The following VPS4A variants were observed in gnomAD, a reference collection of about 807,000 sequenced individuals.
VPS4A encodes vacuolar protein sorting 4 homolog A, also known as vacuolar protein sorting-associated protein 4A.
Under a neutral mutation model 52.3 loss-of-function variants are expected in VPS4A, and 20 were observed. That is an observed-to-expected ratio of 0.38 (90% CI 0.27 to 0.56). The LOEUF is 0.56. Among genes scored for constraint, VPS4A ranks in the 20% least tolerant of loss-of-function variants. VPS4A has a pLI of 0.72. For synonymous variants in VPS4A, 293 were observed against 227.7 expected (o/e 1.29, Z -2.58); for missense variants, 419 against 575.9 (o/e 0.73, Z 2.79).
intron 3 of VPS4A, 25 bp from the exon 4 acceptor site, chr16:69,318,625 T>C (rs1230190096): frequency 6.3e-7 from 1 of 1,593,224 alleles, no homozygotes; most frequent in Admixed American, 1.8e-5. Flanking sequence ...AGGGCCAGCT[T>C]GTGACTTTCC....
chr16:69,320,585 G>T lies in VPS4A; in HGVS notation c.770-103G>T. On this transcript the variant is annotated intron_variant, in intron 7 of 10. Transcript: ENST00000254950. The surrounding 1 kb of genome is among the most constrained non-coding windows in gnomAD (Gnocchi z 4.2). ...TGCCAGTGGTGGGTGGCACAGGGAT[G>T]GCTTCAATTGCTGACACACAAAGCC... 1 of 1,017,258 alleles carries T rather than the reference G, an allele frequency of 9.8e-7. No homozygotes were observed. The highest frequency in any genetic ancestry group is 1.5e-6 in the Non-Finnish European group (1 of 685,480). 63.0% of individuals were successfully genotyped at this position (1,017,258 alleles called of 1,614,324 possible).
At position 69,316,287 on chromosome 16, in the gene VPS4A, C is replaced by A; in HGVS notation, c.196C>A (p.Arg66=). The A allele has an allele frequency of 1.9e-6, 3 of 1,613,782 alleles. No homozygotes were observed. The highest frequency in any genetic ancestry group is 2.5e-6 in the Non-Finnish European group (3 of 1,179,860). ...IRAKCVQYLD[R]AEKLKDYLRS... ...AGCCAAGTGCGTGCAGTACCTAGAC[C>A]GGGCCGAGAAGCTGAAGGATTATTT... Residue 66 remains arginine (R), a synonymous_variant, in exon 3 of 11, where the codon CGG becomes AGG. Coordinates refer to ENST00000254950, the MANE Select transcript of VPS4A (RefSeq NM_013245.3).
chr16:69,323,945 A>C (rs1406797521), intron 10 of VPS4A, among the ~76,000 whole-genome samples: 3 of 113,378 alleles, frequency 2.6e-5, no homozygotes, highest in Admixed American at 2.6e-4. Context: ...CTCCGTCTCC[A>C]AAAAAAAAAA....
Position 69,316,131 on chromosome 16 carries a change from G to C in VPS4A, c.133+12G>C. The C allele has an allele frequency of 6.2e-7, 1 of 1,613,180 alleles. No individual in the cohort carries two copies. Among genetic ancestry groups the C allele is most frequent in the Non-Finnish European group, 8.5e-7 (1 of 1,179,776 alleles). ...CCACGCTATCAAGTGTGAGTCACAC[G>C]AGGGGTCCTCAGGCTGCCGCACTCC... On this transcript the variant is annotated intron_variant, in intron 2 of 10. Coordinates refer to ENST00000254950, the MANE Select transcript of VPS4A (RefSeq NM_013245.3).
At chr16:69,318,755 G>A (rs374846462) in intron 4 of VPS4A, 44 bp downstream of exon 4, 7 of 1,613,122 alleles carry the variant, frequency 4.3e-6, no homozygotes, top group Middle Eastern at 3.3e-4. Flanking sequence ...GGATGAGAGT[G>A]GGTCCGCTGC....
chr16:69,316,234 A>G lies in VPS4A; in HGVS notation c.143A>G (p.His48Arg), dbSNP rs1343361238. 1.9e-6 allele frequency: 3 copies of G among 1,613,582 alleles called. No individual in the cohort carries two copies. Among genetic ancestry groups the G allele is most frequent in the Non-Finnish European group, 1.7e-6 (2 of 1,179,872 alleles). ...GTGTTCCCTTTCACAGATGAGGCCCACAGCGACAAGGCCAAGGAGAGCATT... is the reference window on the plus strand; with the variant it reads ...GTGTTCCCTTTCACAGATGAGGCCCGCAGCGACAAGGCCAAGGAGAGCATT... ...YFLHAIKYEA[H>R]SDKAKESIRA... Residue 48 changes from histidine (H) to arginine (R), a missense_variant, in exon 3 of 11, where the codon CAC (histidine) becomes CGC (arginine). By Grantham distance (29) the His-to-Arg change is conservative. Transcript: ENST00000254950.
chr16:69,324,083 C>G (rs1725985281), intron 10 of VPS4A, 125 bp from the exon 11 acceptor site: 1 of 843,026 alleles, frequency 1.2e-6, no homozygotes, highest in African/African-American at 1.7e-5. Flanking sequence ...CAGATTCAAG[C>G]AGGCCTCTGG....
At position 69,316,043 on chromosome 16, in the gene VPS4A, G is replaced by C. The variant is rs767515591; in HGVS notation, c.57G>C (p.Glu19Asp). Residue 19 changes from glutamate to aspartate, a missense_variant, in exon 2 of 11, where the codon GAG (glutamate) becomes GAC (aspartate). This residue lies in a region of VPS4A where 131 missense variants were observed against 165.4 expected (regional missense o/e 0.79). Transcript: ENST00000254950. ...AIDLVTKATE[E>D]DKAKNYEEAL... is the part of the protein sequence containing the mutation. ...ATCTGGTGACGAAAGCCACAGAGGAGGACAAAGCCAAGAACTACGAGGAGG... is the reference window on the plus strand; with the variant it reads ...ATCTGGTGACGAAAGCCACAGAGGACGACAAAGCCAAGAACTACGAGGAGG... 1 of 1,613,626 alleles carries C rather than the reference G, an allele frequency of 6.2e-7. No individual in the cohort carries two copies. The highest frequency in any genetic ancestry group is 1.1e-5 in the South Asian group (1 of 91,090).
rs1567424466 is a variant in VPS4A at position 69,321,370 on chromosome 16, G to A, written c.1071+100G>A. ...CTGGTCCTGCTCCCCGGCTGCTCAG[G>A]TGACACAGTCTCTGAGGCCTCCTGG... On this transcript the variant is annotated intron_variant, in intron 9 of 10. Coordinates refer to ENST00000254950, the MANE Select transcript of VPS4A (RefSeq NM_013245.3). The surrounding 1 kb of genome is among the most constrained non-coding windows in gnomAD (Gnocchi z 4.5). The A allele has an allele frequency of 7.4e-7, 1 of 1,343,652 alleles. No homozygotes were observed. The highest frequency in any genetic ancestry group is 1.0e-6 in the Non-Finnish European group (1 of 984,412). The allele number at this position is 1,343,652 out of a possible 1,614,324, so 83.2% of individuals were successfully genotyped here.
Position 69,311,540 on chromosome 16 carries a change from G to C in VPS4A, c.21+8G>C. 7.5e-7 allele frequency: 1 copy of C among 1,332,192 alleles called. No homozygotes were observed. The highest frequency in any genetic ancestry group is 3.2e-5 in the East Asian group (1 of 31,568). The allele number at this position is 1,332,192 out of a possible 1,614,324, so 82.5% of individuals were successfully genotyped here. ...ACAACGTCAACCCTCCAGGTACTTC[G>C]TGCGGCCCGGCCCGACTTCGGAGGC... On this transcript the variant is annotated splice_region_variant and intron_variant, in intron 1 of 10. Coordinates refer to ENST00000254950, the MANE Select transcript of VPS4A (RefSeq NM_013245.3).
rs1268577293 is a variant in VPS4A at position 69,320,292 on chromosome 16, G to A, written c.769+3G>A. On this transcript the variant is annotated splice_donor_region_variant and intron_variant, in intron 7 of 10. Transcript: ENST00000254950. The surrounding 1 kb of genome is among the most constrained non-coding windows in gnomAD (Gnocchi z 4.2). ...GGAGTTCTTGGTCCAGATGCAGGGT[G>A]TGTGCCGGGCCCAGGGCCCCCTTGG... 19 of 1,612,852 alleles carry A rather than the reference G, an allele frequency of 1.2e-5. No homozygotes were observed. Among genetic ancestry groups the A allele is most frequent in the Non-Finnish European group, 1.5e-5 (18 of 1,179,016 alleles).
chr16:69,319,252 A>G (rs1017438814), intron 5 of VPS4A, 135 bp from the exon 6 acceptor site: 7 of 1,305,688 alleles, frequency 5.4e-6, no homozygotes, highest in Non-Finnish European at 6.3e-6. Flanking sequence ...TGTAGCTCCC[A>G]TCACTTGTTT....
chr16:69,323,154 G>C (rs1012565663), intron 10 of VPS4A: 2 of 161,798 alleles, frequency 1.2e-5, no homozygotes, highest in South Asian at 3.3e-4. Flanking sequence ...ACTCACTGGG[G>C]GCCCAGAATG....
At chr16:69,323,166 A>C (rs145770681) in intron 10 of VPS4A, 182 of 162,394 alleles carry the variant, frequency 1.1e-3, no homozygotes, top group Non-Finnish European at 2.0e-3. Context: ...CCCAGAATGC[A>C]GGTGGCAGCA....
intron 1 of VPS4A, among the ~76,000 whole-genome samples, chr16:69,315,571 T>C (rs1555502365): frequency 6.6e-6 from 1 of 152,190 alleles, no homozygotes; most frequent in Non-Finnish European, 1.5e-5. Context: ...GGCTGGCTCT[T>C]CTCTGGCCCT....
In VPS4A at chr16:69,316,074, C is replaced by T. The variant is rs376416470; in HGVS notation, c.88C>T (p.Arg30Trp). ...AGCCAAGAACTACGAGGAGGCGCTGCGGCTGTACCAGCATGCGGTGGAGTA... is the reference window on the plus strand; with the variant it reads ...AGCCAAGAACTACGAGGAGGCGCTGTGGCTGTACCAGCATGCGGTGGAGTA... Reference protein sequence around the residue: ...DKAKNYEEALRLYQHAVEYFL... With the variant: ...DKAKNYEEALWLYQHAVEYFL... Residue 30 changes from arginine to tryptophan, a missense_variant, in exon 2 of 11, where the codon CGG becomes TGG. Transcript: ENST00000254950. 2.5e-6 allele frequency: 4 copies of T among 1,613,502 alleles called. No homozygotes were observed. Among genetic ancestry groups the T allele is most frequent in the South Asian group, 2.2e-5 (2 of 91,084 alleles).
At chr16:69,323,808 T>C (rs933132018) in intron 10 of VPS4A, 8 of 377,686 alleles carry the variant, frequency 2.1e-5, no homozygotes, top group East Asian at 1.4e-4. Flanking sequence ...AAATCAGCCA[T>C]GTGTGGTGGC....
In VPS4A at chr16:69,323,592, T is replaced by C. The variant is rs114921613; in HGVS notation, c.1213-616T>C. 918 of 455,362 alleles carry C rather than the reference T, an allele frequency of 2.0e-3. 5 individuals are homozygous for C. Among genetic ancestry groups the C allele is most frequent in the African/African-American group, 0.017 (874 of 50,156 alleles). 28.2% of individuals were successfully genotyped at this position (455,362 alleles called of 1,614,324 possible). A position where few individuals can be genotyped will look rare whatever the true frequency, so the allele number is the denominator to read the frequency against. ...TTGCAAAGGCAGCGCCTCACCTGCA[T>C]AGCCTGGCCCGTGCCATCCTGGCAA... On this transcript the variant is annotated intron_variant, in intron 10 of 10. Coordinates refer to ENST00000254950, the MANE Select transcript of VPS4A (RefSeq NM_013245.3).
At position 69,321,080 on chromosome 16, in the gene VPS4A, C is replaced by T. The variant is rs1430036338; in HGVS notation, c.881C>T (p.Pro294Leu). The T allele has an allele frequency of 6.3e-7, 1 of 1,593,580 alleles. No homozygotes were observed. The highest frequency in any genetic ancestry group is 8.5e-7 in the Non-Finnish European group (1 of 1,170,006). ...GAAAAACGAATTTATATCCCCTTGC[C>T]GGAGGAAGCTGCCCGCGCCCAGATG... ...RFEKRIYIPLPEEAARAQMFR... is the reference protein window; with the variant it reads ...RFEKRIYIPLLEEAARAQMFR... The change falls in exon 9 of 11, where the codon CCG (proline) becomes CTG (leucine). Residue 294 changes from proline to leucine, a missense_variant. Transcript: ENST00000254950. The surrounding 1 kb of genome is among the most constrained non-coding windows in gnomAD (Gnocchi z 4.5).
Sources: allele counts gnomAD v4.1 joint callset (sites outside exome capture counted in the v4.1 genomes callset), GRCh38; gene constraint gnomAD v4.1.1; regional missense constraint gnomAD v4.1.1; non-coding constraint Gnocchi (gnomAD v3.1); transcripts MANE v1.5; gene names NCBI Gene and HGNC (gene_info 2026-07-23, HGNC 2026-07-21).